Variants in MSI2 observed in about 807,000 individuals in gnomAD.
MSI2 encodes the protein musashi RNA binding protein 2, also known as RNA-binding protein Musashi homolog 2.
A neutral mutation model predicts 45.6 loss-of-function variants in MSI2; 17 were observed. The observed-to-expected ratio is 0.37, with a 90% confidence interval of 0.26 to 0.56. The LOEUF is 0.56. Among genes scored for constraint, MSI2 ranks in the 20% least tolerant of loss-of-function variants. MSI2 has a pLI of 0.77. For synonymous variants in MSI2, 156 were observed against 158.2 expected (o/e 0.99, Z 0.11); for missense variants, 293 against 444.2 (o/e 0.66, Z 3.06).
At chr17:57,482,356 G>T (rs1156629827) in intron 6 of MSI2, among the ~76,000 whole-genome samples, 1 of 152,170 alleles carries the variant, frequency 6.6e-6, no homozygotes, top group Admixed American at 6.5e-5. Context: ...TTATTTTGAT[G>T]GGCAAAGAAA....
intron 6 of MSI2, among the ~76,000 whole-genome samples, chr17:57,410,794 A>G (rs2084182395): frequency 6.6e-6 from 1 of 152,126 alleles, no homozygotes; most frequent in Non-Finnish European, 1.5e-5. Flanking sequence ...GTTAGTATTG[A>G]CAAAACAATT....
chr17:57,639,756 TGG>T (rs113657307), intron 10 of MSI2, among the ~76,000 whole-genome samples: 62,535 of 151,800 alleles, frequency 0.41, 13,314 homozygotes, highest in Non-Finnish European at 0.46. Context: ...GTTCCCTTAG[TGG>T]GGAACCTGCT....
At chr17:57,464,221 T>A (rs1199703085) in intron 6 of MSI2, among the ~76,000 whole-genome samples, 3 of 151,948 alleles carry the variant, frequency 2.0e-5, no homozygotes, top group African/African-American at 7.3e-5. Flanking sequence ...GGCAGATGGA[T>A]CACTTGAGCC....
At chr17:57,371,304 C>T (rs762407124) in intron 5 of MSI2, among the ~76,000 whole-genome samples, 1 of 152,148 alleles carries the variant, frequency 6.6e-6, no homozygotes, top group Non-Finnish European at 1.5e-5. Context: ...CCAACTTAGA[C>T]GTTTACAGAA....
chr17:57,672,727 T>C (rs1912892676), intron 11 of MSI2, among the ~76,000 whole-genome samples: 1 of 152,174 alleles, frequency 6.6e-6, no homozygotes, highest in South Asian at 2.1e-4. Flanking sequence ...TAGGGAGGGG[T>C]TTCAGCTGCC....
intron 5 of MSI2, among the ~76,000 whole-genome samples, chr17:57,371,857 G>C (rs1320581514): frequency 2.0e-5 from 3 of 151,134 alleles, no homozygotes; most frequent in Non-Finnish European, 4.4e-5. Context: ...TTTTGAAGGA[G>C]ATTTTACATA....
chr17:57,573,104 T>C (rs1026066408), intron 7 of MSI2, among the ~76,000 whole-genome samples: 1 of 152,132 alleles, frequency 6.6e-6, no homozygotes, highest in Non-Finnish European at 1.5e-5. Context: ...AGAATGCCTC[T>C]GTGGTGGGCG....
chr17:57,393,552 T>A (rs1269421285), intron 5 of MSI2, among the ~76,000 whole-genome samples: 1 of 152,240 alleles, frequency 6.6e-6, no homozygotes, highest in Non-Finnish European at 1.5e-5. Flanking sequence ...GTTGTTCTAT[T>A]TTTTGGCTGT....
At chr17:57,516,350 A>T (rs977307147) in intron 6 of MSI2, among the ~76,000 whole-genome samples, 2 of 152,156 alleles carry the variant, frequency 1.3e-5, no homozygotes, top group Non-Finnish European at 2.9e-5. Context: ...CCCTCTGGTC[A>T]GTTGTGCACC....
intron 7 of MSI2, among the ~76,000 whole-genome samples, chr17:57,563,545 C>T (rs1424841596): frequency 6.6e-6 from 1 of 152,158 alleles, no homozygotes; most frequent in Non-Finnish European, 1.5e-5. Flanking sequence ...AACCCCAAGG[C>T]CCATTTCCAT....
intron 10 of MSI2, among the ~76,000 whole-genome samples, chr17:57,646,586 G>A (rs183595040): frequency 9.2e-5 from 14 of 152,324 alleles, no homozygotes; most frequent in Admixed American, 6.5e-4. Flanking sequence ...CACAGGGCCC[G>A]AAGAAGTGAA....
chr17:57,629,551 G>C (rs1391200629), intron 10 of MSI2: 1 of 152,292 alleles, frequency 6.6e-6, no homozygotes, highest in Non-Finnish European at 1.5e-5. Flanking sequence ...ACAGAATGTA[G>C]AACAGTCACC....
chr17:57,551,592 G>A (rs2087306344), intron 7 of MSI2, among the ~76,000 whole-genome samples: 1 of 152,152 alleles, frequency 6.6e-6, no homozygotes, highest in African/African-American at 2.4e-5. Context: ...GGTCATGCAT[G>A]TACACACACT....
chr17:57,257,362 C>T (rs1906881130), intron 2 of MSI2, 104 bp from the exon 3 acceptor site: 1 of 748,274 alleles, frequency 1.3e-6, no homozygotes, highest in Non-Finnish European at 2.1e-6. Context: ...AACAGAATAA[C>T]AACAGAAAAC....
intron 5 of MSI2, among the ~76,000 whole-genome samples, chr17:57,390,075 C>A (rs1369204746): frequency 4.4e-4 from 61 of 139,274 alleles, no homozygotes; most frequent in Non-Finnish European, 4.8e-4. Flanking sequence ...CTGTCTTTAC[C>A]AAAAAAAAAA....
chr17:57,615,920 T>C (rs1907641365), intron 8 of MSI2, 50 bp from the exon 9 acceptor site: 1 of 1,405,632 alleles, frequency 7.1e-7, no homozygotes, highest in South Asian at 1.2e-5. Flanking sequence ...GCATTTGACA[T>C]TTACGTGGAA....
intron 6 of MSI2, among the ~76,000 whole-genome samples, chr17:57,425,804 TA>T (rs1245239558): frequency 6.6e-6 from 1 of 152,242 alleles, no homozygotes; most frequent in Admixed American, 6.5e-5. Context: ...TAATACGTTT[TA>T]CAATTTGCTA....
chr17:57,318,667 C>T (rs552414406), intron 5 of MSI2, among the ~76,000 whole-genome samples: 6 of 152,028 alleles, frequency 3.9e-5, no homozygotes, highest in East Asian at 3.9e-4. Flanking sequence ...CGGAGGGTCC[C>T]GGGGAGAAAA....
intron 5 of MSI2, among the ~76,000 whole-genome samples, chr17:57,277,448 C>T (rs947013310): frequency 3.3e-5 from 5 of 152,210 alleles, no homozygotes; most frequent in African/African-American, 1.2e-4. Flanking sequence ...AGAGACTTGA[C>T]TTCTGTCTCT....
Sources: allele counts gnomAD v4.1 joint callset (sites outside exome capture counted in the v4.1 genomes callset), GRCh38; gene constraint gnomAD v4.1.1; transcripts MANE v1.5; gene names NCBI Gene and HGNC (gene_info 2026-07-23, HGNC 2026-07-21).